TFPI: variants seen among roughly 807,000 people sequenced by gnomAD.
TFPI encodes tissue factor pathway inhibitor.
In TFPI, 15 loss-of-function variants were observed where a neutral mutation model predicts 34.6. The observed-to-expected ratio is 0.43, with a 90% CI of 0.29 to 0.67. The LOEUF is 0.67. Ranked by LOEUF, TFPI falls within the 30% of genes least tolerant of loss-of-function variation. TFPI has a pLI of 0.15. For missense variants in TFPI, 301 were observed against 364.0 expected (o/e 0.83, Z 1.41); for synonymous variants, 105 against 120.1 (o/e 0.87, Z 0.82).
rs1194709852 is a variant in TFPI at position 187,464,577 on chromosome 2, A to G, written c.*2359T>C. The stretch of plus-strand genomic sequence containing the variant: ...GAGAAAACAATTAGGCAACTCATCA[A>G]TGCGCTATTTATACAATCTTAGTGA... On this transcript the variant is annotated 3_prime_UTR_variant, in exon 8 of 8. Coordinates refer to ENST00000233156, the MANE Select transcript of TFPI (RefSeq NM_006287.6). 1 of 152,168 alleles carries G rather than the reference A, an allele frequency of 6.6e-6. No homozygotes were observed. 9.4% of individuals were successfully genotyped at this position (152,168 alleles called of 1,614,324 possible).
At chr2:187,467,647 C>G (rs945382612) in intron 7 of TFPI, 106 bp downstream of exon 7, 16 of 1,036,036 alleles carry the variant, frequency 1.5e-5, no homozygotes, top group Admixed American at 1.0e-4. Flanking sequence ...CTAGATTATA[C>G]TTTCTTATAA....
At chr2:187,483,322 G>A (rs769113210) in intron 6 of TFPI, among the ~76,000 whole-genome samples, 10 of 151,622 alleles carry the variant, frequency 6.6e-5, no homozygotes, top group Non-Finnish European at 1.5e-4. Flanking sequence ...TCACACTCAG[G>A]CTAAGTTTAT....
Position 187,537,693 on chromosome 2 carries a change from C to T in TFPI, c.-3+16507G>A, listed in dbSNP as rs139683934. Among the ~76,000 whole-genome samples the T allele has an allele frequency of 6.6e-3, 1,002 of 152,290 alleles. 14 individuals are homozygous for T. The highest frequency in any genetic ancestry group is 0.023 in the African/African-American group (945 of 41,556). The stretch of plus-strand genomic sequence containing the variant: ...ATAGGCATGGCCGAAGACTTCATCA[C>T]TAAAACACCAAAAGCAATGGCAACA... On this transcript the variant is annotated intron_variant, in intron 1 of 7. Coordinates refer to ENST00000233156, the MANE Select transcript of TFPI (RefSeq NM_006287.6).
intron 1 of TFPI, among the ~76,000 whole-genome samples, chr2:187,522,891 AAAATAAAT>A (rs138871269): frequency 0.41 from 58,304 of 142,366 alleles, 12,515 homozygotes; most frequent in East Asian, 0.47. Context: ...ACTGTGTCTC[AAAATAAAT>A]AAATAAATAA....
At chr2:187,504,767 C>T (rs1254264421) in intron 1 of TFPI, among the ~76,000 whole-genome samples, 1 of 152,080 alleles carries the variant, frequency 6.6e-6, no homozygotes, top group Non-Finnish European at 1.5e-5. Context: ...TATCAGCAAA[C>T]ATTCACAAAT....
At chr2:187,552,561 A>G (rs1359405658) in intron 1 of TFPI, among the ~76,000 whole-genome samples, 1 of 152,056 alleles carries the variant, frequency 6.6e-6, no homozygotes, top group Non-Finnish European at 1.5e-5. Flanking sequence ...TTAAATGATT[A>G]TCTGACTGAT....
chr2:187,536,719 T>G (rs1387541890), intron 1 of TFPI, among the ~76,000 whole-genome samples: 1 of 152,028 alleles, frequency 6.6e-6, no homozygotes, highest in Non-Finnish European at 1.5e-5. Flanking sequence ...AACATAGTAT[T>G]GGAAGTTCAG....
Position 187,465,312 on chromosome 2 carries a change from C to G in TFPI, c.*1624G>C, listed in dbSNP as rs182657540. 1.3e-5 allele frequency: 2 copies of G among 151,706 alleles called. No homozygotes were observed. Among genetic ancestry groups the G allele is most frequent in the African/African-American group, 4.8e-5 (2 of 41,346 alleles). The allele number at this position is 151,706 out of a possible 1,614,324, so 9.4% of individuals were successfully genotyped here. A position where few individuals can be genotyped will look rare whatever the true frequency, so the allele number is the denominator to read the frequency against. The stretch of plus-strand genomic sequence containing the variant: ...TTGAGCCCAGGTGTTCAAGACAAGC[C>G]TAGGTAACGTGGTGAAACTCGTCTC... On this transcript the variant is annotated 3_prime_UTR_variant, in exon 8 of 8. Coordinates refer to ENST00000233156, the MANE Select transcript of TFPI (RefSeq NM_006287.6).
At chr2:187,483,927 A>C in intron 6 of TFPI, 197 bp downstream of exon 6, 1 of 548,068 alleles carries the variant, frequency 1.8e-6, no homozygotes, top group Non-Finnish European at 3.2e-6. Flanking sequence ...CATACTTTAA[A>C]ATAGATTAGG....
chr2:187,482,395 CAT>C (rs909747735), intron 6 of TFPI, among the ~76,000 whole-genome samples: 17 of 152,032 alleles, frequency 1.1e-4, no homozygotes, highest in Middle Eastern at 3.4e-3. Flanking sequence ...GCTGGAAAGA[CAT>C]AAAGAAATAA....
Position 187,484,868 on chromosome 2 carries a change from C to G in TFPI, c.478G>C (p.Gly160Arg). The change falls in exon 5 of 8, where the codon GGC (glycine) becomes CGC (arginine). Residue 160 changes from glycine (G) to arginine (R), a missense_variant. Coordinates refer to ENST00000233156, the MANE Select transcript of TFPI (RefSeq NM_006287.6). ...AGTGTCTCAAAATTGTTCATATTGCCCAGGCATCCACCATACTTGAAACGT... is the reference window on the plus strand; with the variant it reads ...AGTGTCTCAAAATTGTTCATATTGCGCAGGCATCCACCATACTTGAAACGT... ...CERFKYGGCL[G>R]NMNNFETLEE... The G allele has an allele frequency of 6.3e-7, 1 of 1,593,902 alleles. No homozygotes were observed. The highest frequency in any genetic ancestry group is 8.5e-7 in the Non-Finnish European group (1 of 1,172,602).
In TFPI at chr2:187,524,642, C is replaced by G. The variant is rs115749156; in HGVS notation, c.-2-20872G>C. On this transcript the variant is annotated intron_variant, in intron 1 of 7. Transcript: ENST00000233156. ...ATATATGCATGGTGTTTTATTACTA[C>G]CAATTCCACCAAAAAATAAAGAGAT... Among the ~76,000 whole-genome samples the G allele has an allele frequency of 3.0e-3, 457 of 152,068 alleles. 8 individuals are homozygous for G. Among genetic ancestry groups the G allele is most frequent in the African/African-American group, 0.01 (419 of 41,456 alleles).
chr2:187,474,644 T>C (rs1292104693), intron 6 of TFPI, among the ~76,000 whole-genome samples: 2 of 152,150 alleles, frequency 1.3e-5, no homozygotes, highest in Non-Finnish European at 2.9e-5. Flanking sequence ...GCAGTTACCA[T>C]GGGAGTAGCT....
At chr2:187,515,090 G>T (rs1398837025) in intron 1 of TFPI, 1 of 152,212 alleles carries the variant, frequency 6.6e-6, no homozygotes, top group Non-Finnish European at 1.5e-5. Context: ...ATGGGGCCCT[G>T]GCTGGGGCCA....
chr2:187,478,699 C>T, intron 6 of TFPI: 1 of 1,613,228 alleles, frequency 6.2e-7, no homozygotes, highest in Non-Finnish European at 8.5e-7. Flanking sequence ...GAAATGCTAT[C>T]CAATCCTAGA....
intron 1 of TFPI, among the ~76,000 whole-genome samples, chr2:187,505,681 T>C (rs889273143): frequency 1.3e-5 from 2 of 152,176 alleles, no homozygotes; most frequent in Admixed American, 1.3e-4. Context: ...AGCTTGAGAC[T>C]AGCTCTGATA....
In TFPI at chr2:187,492,280, A is replaced by C. The variant is rs1685170687; in HGVS notation, c.320-3905T>G. Among the ~76,000 whole-genome samples the C allele has an allele frequency of 2.0e-5, 3 of 152,314 alleles. 1 individual carries two copies. The highest frequency in any genetic ancestry group is 7.2e-5 in the African/African-American group (3 of 41,572). On this transcript the variant is annotated intron_variant, in intron 3 of 7. Coordinates refer to ENST00000233156, the MANE Select transcript of TFPI (RefSeq NM_006287.6). ...TTTGCTTTTGAGGATTTAGTCATAAATTCTTTGCCTAGGTCAATATGTAGG... is the reference window on the plus strand; with the variant it reads ...TTTGCTTTTGAGGATTTAGTCATAACTTCTTTGCCTAGGTCAATATGTAGG...
At chr2:187,529,362 A>C (rs1687842807) in intron 1 of TFPI, 1 of 152,242 alleles carries the variant, frequency 6.6e-6, no homozygotes, top group Non-Finnish European at 1.5e-5. Context: ...TTTGTATCTC[A>C]CAGTTCTGGA....
chr2:187,487,899 T>A (rs984016274), intron 4 of TFPI, among the ~76,000 whole-genome samples: 5 of 151,366 alleles, frequency 3.3e-5, no homozygotes, highest in African/African-American at 1.2e-4. Context: ...GTTGATTAGA[T>A]TAACAAGTGA....
Sources: allele counts gnomAD v4.1 joint callset (sites outside exome capture counted in the v4.1 genomes callset), GRCh38; gene constraint gnomAD v4.1.1; transcripts MANE v1.5; gene names NCBI Gene and HGNC (gene_info 2026-07-23, HGNC 2026-07-21).